The following SHROOM3 variants were observed in gnomAD, a reference collection of about 807,000 sequenced individuals.
SHROOM3 encodes protein Shroom3.
Under a neutral mutation model 138.6 loss-of-function variants are expected in SHROOM3, and 47 were observed. That is an observed-to-expected ratio of 0.34 (90% CI 0.27 to 0.43). SHROOM3 has a LOEUF of 0.43. Among genes scored for constraint, SHROOM3 ranks in the 20% least tolerant of loss-of-function variants. SHROOM3 has a pLI of 1.00. For synonymous variants in SHROOM3, 1,062 were observed against 1,063.3 expected (o/e 1.00, Z 0.02); for missense variants, 2,491 against 2,596.5 (o/e 0.96, Z 0.88).
intron 2 of SHROOM3, among the ~76,000 whole-genome samples, chr4:76,607,949 A>T (rs1734657343): frequency 6.6e-6 from 1 of 152,194 alleles, no homozygotes; most frequent in Non-Finnish European, 1.5e-5. Flanking sequence ...ACTTCACTTT[A>T]TCATGCTTTA....
chr4:76,556,216 G>T (rs1044022999), intron 2 of SHROOM3, among the ~76,000 whole-genome samples: 5 of 152,120 alleles, frequency 3.3e-5, no homozygotes, highest in African/African-American at 1.2e-4. Flanking sequence ...TTTGTTTTCT[G>T]GTCTCAATAG....
intron 3 of SHROOM3, among the ~76,000 whole-genome samples, chr4:76,730,519 G>A (rs533795399): frequency 6.6e-6 from 1 of 152,336 alleles, no homozygotes; most frequent in East Asian, 1.9e-4. Context: ...CATGTAGGAA[G>A]TCTAGGCGAA....
intron 2 of SHROOM3, among the ~76,000 whole-genome samples, chr4:76,674,292 C>G (rs1185720924): frequency 3.3e-5 from 5 of 152,062 alleles, no homozygotes; most frequent in African/African-American, 1.2e-4. Context: ...TAAGAGATAC[C>G]TGTTTTCTAT....
intron 3 of SHROOM3, among the ~76,000 whole-genome samples, chr4:76,719,993 G>T (rs1160243511): frequency 6.6e-6 from 1 of 152,104 alleles, no homozygotes; most frequent in African/African-American, 2.4e-5. Flanking sequence ...ATATTATCAG[G>T]ATGTGACATT....
At chr4:76,591,118 G>A (rs936569757) in intron 2 of SHROOM3, among the ~76,000 whole-genome samples, 2 of 152,178 alleles carry the variant, frequency 1.3e-5, no homozygotes, top group African/African-American at 4.8e-5. Flanking sequence ...CAGGATAGAA[G>A]ATACTGTAAA....
intron 3 of SHROOM3, among the ~76,000 whole-genome samples, chr4:76,726,541 T>TAAA (rs61455146): frequency 0.32 from 29,180 of 90,244 alleles, 5,602 homozygotes; most frequent in Middle Eastern, 0.46. Context: ...CCCCTCCATC[T>TAAA]AAAAAAAAAA....
intron 3 of SHROOM3, among the ~76,000 whole-genome samples, chr4:76,718,431 T>C (rs1408650432): frequency 2.0e-5 from 3 of 152,232 alleles, no homozygotes; most frequent in African/African-American, 7.2e-5. Context: ...ACCTTCACTA[T>C]TCTTTTTATT....
At chr4:76,649,189 T>G (rs903410337) in intron 2 of SHROOM3, among the ~76,000 whole-genome samples, 4 of 152,118 alleles carry the variant, frequency 2.6e-5, no homozygotes, top group African/African-American at 7.2e-5. Flanking sequence ...ACATTGACTT[T>G]GTTAGAATGT....
chr4:76,740,828 C>A lies in SHROOM3; in HGVS notation c.2655C>A (p.Leu885=). ...GCCCCCAGAGGCCGGACGCTCGGCT[C>A]CTCCGTAGCCAGAGCACCTTCCAGC... ...GRGPQRPDAR[L]LRSQSTFQLS... Residue 885 remains leucine, a synonymous_variant, in exon 5 of 11, where the codon CTC becomes CTA. Transcript: ENST00000296043. The surrounding 1 kb of genome is among the most constrained non-coding windows in gnomAD (Gnocchi z 4.0). 1 of 1,594,270 alleles carries A rather than the reference C, an allele frequency of 6.3e-7. No individual in the cohort carries two copies. Among genetic ancestry groups the A allele is most frequent in the South Asian group, 1.1e-5 (1 of 88,228 alleles).
At chr4:76,639,667 T>C (rs1169894069) in intron 2 of SHROOM3, 1 of 398,342 alleles carries the variant, frequency 2.5e-6, no homozygotes, top group African/African-American at 2.1e-5. Flanking sequence ...CATGGGCCTG[T>C]GTTTCCTATT....
intron 1 of SHROOM3, among the ~76,000 whole-genome samples, chr4:76,516,038 G>A (rs1732437212): frequency 6.6e-6 from 1 of 152,124 alleles, no homozygotes; most frequent in Non-Finnish European, 1.5e-5. Flanking sequence ...ATAACACAAA[G>A]ATAATGAGAG....
chr4:76,494,999 T>C (rs907715467), intron 1 of SHROOM3, among the ~76,000 whole-genome samples: 1 of 152,236 alleles, frequency 6.6e-6, no homozygotes, highest in Non-Finnish European at 1.5e-5. Context: ...TTCTTCTATT[T>C]AGGCACCAAG....
chr4:76,646,029 T>A (rs1200273736), intron 2 of SHROOM3, among the ~76,000 whole-genome samples: 1 of 151,736 alleles, frequency 6.6e-6, no homozygotes, highest in Non-Finnish European at 1.5e-5. Flanking sequence ...TCAAGGAAAG[T>A]GAACTCACTA....
At chr4:76,714,032 A>G (rs1720306060) in intron 3 of SHROOM3, among the ~76,000 whole-genome samples, 3 of 152,130 alleles carry the variant, frequency 2.0e-5, no homozygotes, top group Admixed American at 2.0e-4. Context: ...TTTTGTTTTG[A>G]AATCATTGTA....
At chr4:76,735,489 G>T (rs1461869594) in intron 4 of SHROOM3, among the ~76,000 whole-genome samples, 1 of 151,896 alleles carries the variant, frequency 6.6e-6, no homozygotes, top group Non-Finnish European at 1.5e-5. Flanking sequence ...CCTTGCACTG[G>T]TCTGATTAGA....
intron 2 of SHROOM3, among the ~76,000 whole-genome samples, chr4:76,703,298 G>A (rs1321826748): frequency 6.6e-6 from 1 of 151,898 alleles, no homozygotes; most frequent in African/African-American, 2.4e-5. Flanking sequence ...CTTCCTAGAT[G>A]GTAAATAATG....
intron 2 of SHROOM3, among the ~76,000 whole-genome samples, chr4:76,616,197 T>C (rs1409548644): frequency 6.6e-6 from 1 of 152,186 alleles, no homozygotes; most frequent in African/African-American, 2.4e-5. Flanking sequence ...TAAGACGAAG[T>C]TCCTGTTCTC....
intron 10 of SHROOM3, among the ~76,000 whole-genome samples, chr4:76,776,664 A>G (rs1451046750): frequency 6.6e-6 from 1 of 152,230 alleles, no homozygotes; most frequent in East Asian, 1.9e-4. Context: ...AATTCAAACT[A>G]GAAGCCACTA....
chr4:76,597,514 G>C (rs1356232939), intron 2 of SHROOM3, among the ~76,000 whole-genome samples: 1 of 152,084 alleles, frequency 6.6e-6, no homozygotes, highest in African/African-American at 2.4e-5. Context: ...TGAGAGTAGA[G>C]GGTCCCACAA....
Sources: gnomAD v4.1 joint callset for allele counts (sites outside exome capture counted in the v4.1 genomes callset) on GRCh38, gnomAD v4.1.1 for gene constraint, Gnocchi (gnomAD v3.1) non-coding constraint, MANE v1.5 for transcripts, NCBI Gene and HGNC (gene_info 2026-07-23, HGNC 2026-07-21) for gene names.